BANK1: variants seen among roughly 807,000 people sequenced by gnomAD.
The protein encoded by BANK1 is B cell scaffold protein with ankyrin repeats 1.
In BANK1, 95 loss-of-function variants were observed where a neutral mutation model predicts 94.5. That is an observed-to-expected ratio of 1.00 (90% confidence interval 0.85 to 1.19). The LOEUF (loss-of-function observed/expected upper bound fraction) is 1.19. Among genes scored for constraint, BANK1 ranks in the 50% most tolerant of loss-of-function variants. The pLI is 0.00. For synonymous variants in BANK1, 334 were observed against 308.4 expected (o/e 1.08, Z -0.87); for missense variants, 987 against 932.2 (o/e 1.06, Z -0.77).
Position 101,858,564 on chromosome 4 carries a change from C to T in BANK1, c.624+3375C>T, listed in dbSNP as rs573638848. On this transcript the variant is annotated intron_variant, in intron 3 of 16. Transcript: ENST00000322953. ...TAGAATCTGCCCACTGTAATCTCAA[C>T]TTTCCTTCTCCCCAAATCTCTTACT... Among the ~76,000 whole-genome samples the T allele has an allele frequency of 1.3e-5, 2 of 152,260 alleles. 1 individual carries two copies. Among genetic ancestry groups the T allele is most frequent in the South Asian group, 4.2e-4 (2 of 4,808 alleles).
At chr4:101,842,229 G>T (rs1204972520) in intron 2 of BANK1, among the ~76,000 whole-genome samples, 2 of 152,140 alleles carry the variant, frequency 1.3e-5, no homozygotes, top group Non-Finnish European at 2.9e-5. Context: ...CAGAACACTG[G>T]CTTCTCCTTT....
chr4:101,909,241 A>G (rs1215750184), intron 6 of BANK1, among the ~76,000 whole-genome samples: 2 of 152,196 alleles, frequency 1.3e-5, no homozygotes, highest in African/African-American at 4.8e-5. Context: ...TGTCCTTTGT[A>G]GGGACATGGA....
At chr4:102,009,357 C>T (rs916780379) in intron 7 of BANK1, among the ~76,000 whole-genome samples, 6 of 152,202 alleles carry the variant, frequency 3.9e-5, no homozygotes, top group African/African-American at 1.4e-4. Flanking sequence ...TACTCTCCCA[C>T]GTCCACATTT....
At chr4:101,959,558 T>C (rs1027862829) in intron 7 of BANK1, among the ~76,000 whole-genome samples, 15 of 152,226 alleles carry the variant, frequency 9.9e-5, no homozygotes, top group African/African-American at 3.6e-4. Context: ...GCTAAAAGTA[T>C]AACGAATAGT....
chr4:101,897,817 A>G (rs1304844596), intron 6 of BANK1, among the ~76,000 whole-genome samples: 1 of 152,020 alleles, frequency 6.6e-6, no homozygotes, highest in Non-Finnish European at 1.5e-5. Flanking sequence ...TAATTGCTTC[A>G]ATGTATTATA....
intron 6 of BANK1, among the ~76,000 whole-genome samples, chr4:101,910,642 C>T (rs1427631549): frequency 4.1e-5 from 6 of 144,884 alleles, no homozygotes; most frequent in Non-Finnish European, 7.5e-5. Context: ...TGCTGTGAGC[C>T]GAGATCGCAC....
At position 102,054,357 on chromosome 4, in the gene BANK1, A is replaced by G. The variant is rs544493890; in HGVS notation, c.1970-5854A>G. Among the ~76,000 whole-genome samples, 4 of 152,224 alleles carry G rather than the reference A, an allele frequency of 2.6e-5. No homozygotes were observed. The East Asian group carries it at 7.7e-4, about 29-fold the overall frequency. On this transcript the variant is annotated intron_variant, in intron 11 of 16. Transcript: ENST00000322953. ...AGAAGCCTGAAACACGACAAAGCAC[A>G]TTACATATATTAGCTCCTTTAACTC...
chr4:101,997,862 A>AAACC (rs1397423605), intron 7 of BANK1, among the ~76,000 whole-genome samples: 2 of 152,068 alleles, frequency 1.3e-5, no homozygotes, highest in African/African-American at 2.4e-5. Flanking sequence ...TTTTTTAAAA[A>AAACC]AACCAGCTCC....
chr4:101,996,781 G>C (rs1049268291), intron 7 of BANK1, among the ~76,000 whole-genome samples: 2 of 152,134 alleles, frequency 1.3e-5, no homozygotes, highest in African/African-American at 2.4e-5. Flanking sequence ...CATTGATTTT[G>C]TATCCTGACA....
At chr4:101,852,503 TACACAC>T (rs77031530) in intron 2 of BANK1, among the ~76,000 whole-genome samples, 16 of 80,144 alleles carry the variant, frequency 2.0e-4, no homozygotes, top group Admixed American at 4.7e-4. Flanking sequence ...TATATATATA[TACACAC>T]ACACATATAG....
chr4:101,850,041 A>G (rs1727412847), intron 2 of BANK1, among the ~76,000 whole-genome samples: 2 of 152,220 alleles, frequency 1.3e-5, no homozygotes, highest in South Asian at 4.1e-4. Flanking sequence ...AGAGCTGTCT[A>G]CAAATAGTTT....
In BANK1 at chr4:101,880,877, G is replaced by T. The variant is rs954510062; in HGVS notation, c.903+10233G>T. ...GGAAAATTGCATATCCATATTGGAA[G>T]AGTGAAACTAGACCCACATTTCTCA... is the stretch of plus-strand genomic sequence containing the variant. On this transcript the variant is annotated intron_variant, in intron 5 of 16. Transcript: ENST00000322953. Among the ~76,000 whole-genome samples the T allele has an allele frequency of 2.0e-5, 3 of 152,144 alleles. No individual in the cohort carries two copies. In the East Asian group the frequency reaches 5.8e-4, roughly 29 times the overall value.
chr4:102,007,097 A>G (rs1420285454), intron 7 of BANK1, among the ~76,000 whole-genome samples: 45 of 77,020 alleles, frequency 5.8e-4, no homozygotes, highest in African/African-American at 1.2e-3. Flanking sequence ...TATATAATAT[A>G]TTTATATATA....
At chr4:101,900,853 G>A (rs1043958884) in intron 6 of BANK1, among the ~76,000 whole-genome samples, 1 of 152,096 alleles carries the variant, frequency 6.6e-6, no homozygotes, top group Non-Finnish European at 1.5e-5. Flanking sequence ...CAGAGCCATA[G>A]CCTGAATGAG....
At chr4:101,991,266 TAG>T (rs1725695681) in intron 7 of BANK1, among the ~76,000 whole-genome samples, 1 of 152,190 alleles carries the variant, frequency 6.6e-6, no homozygotes, top group African/African-American at 2.4e-5. Flanking sequence ...CCTTCTCATT[TAG>T]AACTTCAAAG....
At chr4:101,842,810 C>T (rs1727103792) in intron 2 of BANK1, among the ~76,000 whole-genome samples, 1 of 152,148 alleles carries the variant, frequency 6.6e-6, no homozygotes, top group Admixed American at 6.5e-5. Flanking sequence ...TTCCTCATCA[C>T]CTATATTTTC....
intron 7 of BANK1, among the ~76,000 whole-genome samples, chr4:101,936,195 A>AT (rs377691829): frequency 0.054 from 8,072 of 149,150 alleles, 306 homozygotes; most frequent in African/African-American, 0.11. Context: ...TGATATATAT[A>AT]TTTTTTATAT....
At chr4:101,933,473 T>C (rs1432772764) in intron 7 of BANK1, among the ~76,000 whole-genome samples, 1 of 151,576 alleles carries the variant, frequency 6.6e-6, no homozygotes, top group African/African-American at 2.4e-5. Context: ...GTTATGTCTG[T>C]AGCCTAATAA....
In BANK1 at chr4:102,030,063, A is replaced by G; in HGVS notation, c.1698A>G (p.Glu566=). The G allele has an allele frequency of 3.1e-6, 5 of 1,613,856 alleles. No homozygotes were observed. Among genetic ancestry groups the G allele is most frequent in the Non-Finnish European group, 4.2e-6 (5 of 1,179,824 alleles). ...CCAAAGGAGAAAAAGAGAAGAAAGAAGAGGAAAAAGAGCAGGAGGAGGAAG... is the reference window on the plus strand; with the variant it reads ...CCAAAGGAGAAAAAGAGAAGAAAGAGGAGGAAAAAGAGCAGGAGGAGGAAG... ...DEPKGEKEKK[E]EEKEQEEEED... The change falls in exon 10 of 17, where the codon GAA becomes GAG. Residue 566 remains glutamate, a synonymous_variant. Coordinates refer to ENST00000322953, the MANE Select transcript of BANK1 (RefSeq NM_017935.5).
Sources: allele counts gnomAD v4.1 joint callset (sites outside exome capture counted in the v4.1 genomes callset), GRCh38; gene constraint gnomAD v4.1.1; transcripts MANE v1.5; gene names NCBI Gene and HGNC (gene_info 2026-07-23, HGNC 2026-07-21).